SNTG1: variants seen among roughly 807,000 people sequenced by gnomAD.
SNTG1 encodes gamma-1-syntrophin.
SNTG1 carries 39 observed loss-of-function variants against 74.7 expected under a neutral mutation model. The observed-to-expected ratio is 0.52, with a 90% confidence interval of 0.40 to 0.68. SNTG1 has a LOEUF of 0.68. Ranked by LOEUF, SNTG1 falls within the 30% of genes least tolerant of loss-of-function variation. SNTG1 has a pLI of 0.00. For synonymous variants in SNTG1, 254 were observed against 217.1 expected, an observed-to-expected ratio of 1.17 and a Z score of -1.49; for missense variants, 685 against 609.5, an observed-to-expected ratio of 1.12 and a Z score of -1.30.
intron 1 of SNTG1, among the ~76,000 whole-genome samples, chr8:50,075,614 C>G (rs992708985): frequency 7.2e-5 from 11 of 152,166 alleles, no homozygotes; most frequent in Non-Finnish European, 1.6e-4. Flanking sequence ...AGTGGCAACA[C>G]GTTGGGGCCT....
chr8:50,116,530 C>T (rs529763313), intron 1 of SNTG1, among the ~76,000 whole-genome samples: 2 of 152,172 alleles, frequency 1.3e-5, no homozygotes, highest in Admixed American at 6.6e-5. Flanking sequence ...TCACCCACTT[C>T]TCCATCCTCA....
In SNTG1 at chr8:50,598,696, C is replaced by T. The variant is rs1375649318; in HGVS notation, c.849+7779C>T. Among the ~76,000 whole-genome samples the T allele has an allele frequency of 3.9e-5, 6 of 151,930 alleles. No individual in the cohort carries two copies. In the South Asian group the frequency reaches 1.0e-3, roughly 26 times the overall value. On this transcript the variant is annotated intron_variant, in intron 13 of 18. Transcript: ENST00000642720. ...TTGACATTTTAATAATATTAATTAT[C>T]CCAATCCATGAACACAGACTACCTT...
intron 1 of SNTG1, among the ~76,000 whole-genome samples, chr8:50,155,881 A>G (rs1048054917): frequency 6.6e-5 from 10 of 152,062 alleles, no homozygotes; most frequent in African/African-American, 2.4e-4. Flanking sequence ...AAACAAATAC[A>G]TCTCTAGTTA....
At chr8:49,983,821 T>G (rs537759104) in intron 1 of SNTG1, among the ~76,000 whole-genome samples, 1 of 152,380 alleles carries the variant, frequency 6.6e-6, no homozygotes, top group African/African-American at 2.4e-5. Context: ...AGTAAGAAGA[T>G]AATGTTGCTC....
chr8:50,433,321 A>T (rs964007236), intron 4 of SNTG1, among the ~76,000 whole-genome samples: 11 of 152,188 alleles, frequency 7.2e-5, no homozygotes, highest in African/African-American at 2.7e-4. Flanking sequence ...TGTTCATTTC[A>T]TAAGCCTTTA....
At chr8:50,108,633 A>G (rs903010106) in intron 1 of SNTG1, among the ~76,000 whole-genome samples, 3 of 152,210 alleles carry the variant, frequency 2.0e-5, no homozygotes, top group African/African-American at 4.8e-5. Context: ...ATGATTTAGT[A>G]TCTTCTTTCT....
intron 1 of SNTG1, among the ~76,000 whole-genome samples, chr8:49,985,159 T>TTTTG (rs1357492396): frequency 6.6e-6 from 1 of 152,134 alleles, no homozygotes; most frequent in East Asian, 1.9e-4. Context: ...CACAATGTTT[T>TTTTG]TTTGTTTGTT....
chr8:50,377,831 T>A (rs2092414416), intron 2 of SNTG1, among the ~76,000 whole-genome samples: 1 of 152,244 alleles, frequency 6.6e-6, no homozygotes, highest in African/African-American at 2.4e-5. Flanking sequence ...GATTTTGGAA[T>A]GTTCCTCAGG....
chr8:49,967,257 G>T (rs1467017538), intron 1 of SNTG1, among the ~76,000 whole-genome samples: 1 of 152,214 alleles, frequency 6.6e-6, no homozygotes, highest in Non-Finnish European at 1.5e-5. Context: ...AAGAATGCCT[G>T]TCTGGCTTTG....
chr8:50,494,572 A>G (rs1466620245), intron 8 of SNTG1, among the ~76,000 whole-genome samples: 2 of 152,024 alleles, frequency 1.3e-5, no homozygotes, highest in Non-Finnish European at 2.9e-5. Context: ...TTATTAATGG[A>G]TCTTGAGCTA....
rs117992607 is a variant in SNTG1, at chr8:50,746,622, T to A, written c.1285-5379T>A. 4.7e-3 allele frequency among the ~76,000 whole-genome samples: 711 copies of A among 151,774 alleles called. 2 individuals carry two copies. The highest frequency in any genetic ancestry group is 0.01 in the Middle Eastern group (3 of 294). ...CACCATAACAGAAAAAGACATTAGG[T>A]TAAAACTAAAGATATCTAAATAAAT... On this transcript the variant is annotated intron_variant, in intron 17 of 18. Coordinates refer to ENST00000642720, the MANE Select transcript of SNTG1 (RefSeq NM_018967.5).
intron 17 of SNTG1, among the ~76,000 whole-genome samples, chr8:50,718,942 T>C (rs1456078551): frequency 6.6e-6 from 1 of 152,234 alleles, no homozygotes; most frequent in Non-Finnish European, 1.5e-5. Flanking sequence ...GATTGCAGAA[T>C]GCATTTACTT....
At chr8:50,413,950 A>G (rs1587532349) in intron 4 of SNTG1, among the ~76,000 whole-genome samples, 1 of 152,282 alleles carries the variant, frequency 6.6e-6, no homozygotes, top group East Asian at 1.9e-4. Context: ...ATTTTACATC[A>G]CGATTATACA....
intron 1 of SNTG1, among the ~76,000 whole-genome samples, chr8:50,127,294 A>T (rs2081174388): frequency 6.6e-6 from 1 of 152,164 alleles, no homozygotes. Context: ...AGTGGTACCA[A>T]CATTGCATTA....
chr8:50,739,600 A>G (rs1282216700), intron 17 of SNTG1, among the ~76,000 whole-genome samples: 1 of 151,860 alleles, frequency 6.6e-6, no homozygotes. Context: ...GGATAGCATT[A>G]CGAGAAAACA....
intron 2 of SNTG1, among the ~76,000 whole-genome samples, chr8:50,189,387 C>A (rs909846449): frequency 1.4e-4 from 21 of 151,984 alleles, no homozygotes; most frequent in Non-Finnish European, 2.4e-4. Flanking sequence ...AGGCCCTAAC[C>A]CCAGAGTTTC....
intron 13 of SNTG1, among the ~76,000 whole-genome samples, chr8:50,612,831 A>G (rs1288312645): frequency 6.6e-6 from 1 of 152,178 alleles, no homozygotes; most frequent in Non-Finnish European, 1.5e-5. Flanking sequence ...CTATAGGTGT[A>G]GCATTTACCT....
At chr8:50,150,895 G>C (rs1477724494) in intron 1 of SNTG1, among the ~76,000 whole-genome samples, 1 of 152,108 alleles carries the variant, frequency 6.6e-6, no homozygotes, top group Non-Finnish European at 1.5e-5. Context: ...TCTCTGCCAG[G>C]CTTTGGTATC....
intron 1 of SNTG1, among the ~76,000 whole-genome samples, chr8:50,021,281 T>C (rs1269875163): frequency 6.6e-6 from 1 of 152,210 alleles, no homozygotes; most frequent in East Asian, 1.9e-4. Context: ...TTGTCATTGT[T>C]TCTCACCACC....
Sources: allele counts gnomAD v4.1 joint callset (sites outside exome capture counted in the v4.1 genomes callset), GRCh38; gene constraint gnomAD v4.1.1; transcripts MANE v1.5; gene names NCBI Gene and HGNC (gene_info 2026-07-23, HGNC 2026-07-21).